The following ZC3H12B variants were observed in gnomAD, a reference collection of about 807,000 sequenced individuals.
ZC3H12B encodes the protein probable ribonuclease ZC3H12B.
Under a neutral mutation model 43.9 loss-of-function variants are expected in ZC3H12B, and 7 were observed. That is an observed-to-expected ratio of 0.16 (90% CI 0.09 to 0.30). ZC3H12B has a LOEUF of 0.30. ZC3H12B is among the 10% of genes least tolerant of loss of function. The pLI is 1.00. For synonymous variants in ZC3H12B, 222 were observed against 241.7 expected (o/e 0.92, Z 0.76); for missense variants, 475 against 670.2 (o/e 0.71, Z 3.22).
the ZC3H12B span, among the ~76,000 whole-genome samples, chrX:65,299,247 T>C: frequency 8.9e-6 from 1 of 112,015 alleles, no homozygotes; most frequent in Non-Finnish European, 1.9e-5. Context: ...CAGTGTTTTT[T>C]AGATTTTGCA....
At chrX:65,191,801 T>G in the ZC3H12B span, among the ~76,000 whole-genome samples, 83 of 108,647 alleles carry the variant, frequency 7.6e-4, no homozygotes, top group African/African-American at 2.8e-3. Flanking sequence ...TCTATTTCCT[T>G]CAGTTCTGCT....
the ZC3H12B span, among the ~76,000 whole-genome samples, chrX:65,314,953 A>T: frequency 7.2e-5 from 8 of 111,410 alleles, no homozygotes; most frequent in Non-Finnish European, 1.3e-4. Flanking sequence ...GGAGTTAAGT[A>T]TGTGTATTAT....
intron 3 of ZC3H12B, among the ~76,000 whole-genome samples, chrX:65,421,301 G>A (rs969989819): frequency 1.8e-5 from 2 of 112,161 alleles, no homozygotes; most frequent in African/African-American, 6.5e-5. Context: ...TGGTCATGAT[G>A]GTAGGAGTAG....
the ZC3H12B span, among the ~76,000 whole-genome samples, chrX:65,171,246 G>A: frequency 2.7e-5 from 3 of 111,622 alleles, no homozygotes; most frequent in Admixed American, 9.6e-5. Flanking sequence ...CTGTTTGTTA[G>A]TTTTCCTTCT....
At chrX:65,453,359 C>CAGATAT (rs2067547941) in intron 3 of ZC3H12B, among the ~76,000 whole-genome samples, 1 of 27,180 alleles carries the variant, frequency 3.7e-5, no homozygotes, top group Admixed American at 6.3e-4. Flanking sequence ...AGCTCAAATG[C>CAGATAT]ATATATATAT....
At chrX:65,374,358 G>T (rs377409868) in intron 2 of ZC3H12B, among the ~76,000 whole-genome samples, 2 of 98,359 alleles carry the variant, frequency 2.0e-5, no homozygotes, top group African/African-American at 7.5e-5. Flanking sequence ...CAATCATACC[G>T]CAAGTCTCAG....
intron 3 of ZC3H12B, among the ~76,000 whole-genome samples, chrX:65,483,556 G>C (rs1297090685): frequency 9.0e-6 from 1 of 111,318 alleles, no homozygotes; most frequent in Admixed American, 9.6e-5. Flanking sequence ...TGACACCGGG[G>C]ATTGGAGATG....
chrX:65,409,629 G>A (rs2066879472), intron 3 of ZC3H12B, among the ~76,000 whole-genome samples: 1 of 107,073 alleles, frequency 9.3e-6, no homozygotes, highest in Admixed American at 1.0e-4. Flanking sequence ...TAAGGTAGGA[G>A]GTTACAAAAT....
chrX:65,160,545 G>T, the ZC3H12B span, among the ~76,000 whole-genome samples: 1 of 111,699 alleles, frequency 9.0e-6, no homozygotes, highest in Non-Finnish European at 1.9e-5. Flanking sequence ...TAGTTTATTT[G>T]CGTAGAGGTG....
the ZC3H12B span, among the ~76,000 whole-genome samples, chrX:65,249,613 G>A: frequency 9.0e-6 from 1 of 110,912 alleles, no homozygotes; most frequent in Non-Finnish European, 1.9e-5. Context: ...TATTTTGATG[G>A]GAATTGTGTT....
chrX:65,346,531 A>C, the ZC3H12B span, among the ~76,000 whole-genome samples: 2 of 112,268 alleles, frequency 1.8e-5, no homozygotes, highest in Non-Finnish European at 3.8e-5. Context: ...CCTAGAAAAA[A>C]ACCCCAAAAT....
At chrX:65,252,249 T>G in the ZC3H12B span, among the ~76,000 whole-genome samples, 1 of 111,345 alleles carries the variant, frequency 9.0e-6, no homozygotes, top group Non-Finnish European at 1.9e-5. Context: ...TATTGATTTG[T>G]GTATGTTGAA....
At chrX:65,455,439 A>C (rs1043148251) in intron 3 of ZC3H12B, among the ~76,000 whole-genome samples, 67 of 112,083 alleles carry the variant, frequency 6.0e-4, no homozygotes, top group African/African-American at 1.9e-3. Flanking sequence ...AAAGAATAAA[A>C]AGAAACGAAT....
chrX:65,395,001 G>A (rs1232505072), intron 2 of ZC3H12B, among the ~76,000 whole-genome samples: 3 of 111,180 alleles, frequency 2.7e-5, no homozygotes, highest in Non-Finnish European at 5.7e-5. Flanking sequence ...ATTATGACTT[G>A]GTTCTCTGTC....
At chrX:65,249,796 A>ATTTTTTTTTTT in the ZC3H12B span, among the ~76,000 whole-genome samples, 3 of 48,940 alleles carry the variant, frequency 6.1e-5, no homozygotes, top group Non-Finnish European at 1.1e-4. Flanking sequence ...ATTCCTAAGT[A>ATTTTTTTTTTT]TTTTTTTTTT....
the ZC3H12B span, among the ~76,000 whole-genome samples, chrX:65,133,151 G>T: frequency 9.0e-6 from 1 of 111,445 alleles, no homozygotes; most frequent in South Asian, 3.9e-4. Context: ...TGGTTCAGGC[G>T]TTTGGAAGTT....
the ZC3H12B span, among the ~76,000 whole-genome samples, chrX:65,125,468 G>A: frequency 9.0e-6 from 1 of 111,476 alleles, no homozygotes; most frequent in Non-Finnish European, 1.9e-5. Context: ...TGGGTAGAAT[G>A]TTCTGTAATT....
At chrX:65,217,939 A>G in the ZC3H12B span, among the ~76,000 whole-genome samples, 1 of 112,224 alleles carries the variant, frequency 8.9e-6, no homozygotes, top group Non-Finnish European at 1.9e-5. Context: ...ATGAAGACCC[A>G]GATACCAGAA....
the ZC3H12B span, among the ~76,000 whole-genome samples, chrX:65,308,752 A>G: frequency 8.9e-6 from 1 of 111,943 alleles, no homozygotes; most frequent in African/African-American, 3.3e-5. Flanking sequence ...AGCACTCCTC[A>G]GCAAATGTAA....
Sources: allele counts gnomAD v4.1 joint callset (sites outside exome capture counted in the v4.1 genomes callset), GRCh38; gene constraint gnomAD v4.1.1; transcripts MANE v1.5; gene names NCBI Gene and HGNC (gene_info 2026-07-23, HGNC 2026-07-21).